Variants in PPP1R9A observed in about 807,000 individuals in gnomAD.
PPP1R9A encodes the protein protein phosphatase 1 regulatory subunit 9A.
A neutral mutation model predicts 141.9 loss-of-function variants in PPP1R9A; 59 were observed. The ratio of observed to expected loss-of-function variants is 0.42; its 90% CI spans 0.34 to 0.52. The LOEUF (loss-of-function observed/expected upper bound fraction) is 0.52, where lower values mean the gene tolerates loss of function less well. Among genes scored for constraint, PPP1R9A ranks in the 20% least tolerant of loss-of-function variants. The pLI is 0.10. For missense variants in PPP1R9A, 1,444 were observed against 1,611.9 expected, an observed-to-expected ratio of 0.90 and a Z score of 1.78; for synonymous variants, 500 against 569.7, an observed-to-expected ratio of 0.88 and a Z score of 1.74.
rs192581156 is a variant in PPP1R9A, at chr7:94,986,702, A to G, written c.1395+75194A>G. On this transcript the variant is annotated intron_variant, in intron 2 of 19. Coordinates refer to ENST00000433360, the MANE Select transcript of PPP1R9A (RefSeq NM_001166160.2). Reference sequence around the variant, plus strand: ...ATCATTATACACTGGATACACAGGCATTGAAATAGCACACTGTATTCCATG... The same window carrying G: ...ATCATTATACACTGGATACACAGGCGTTGAAATAGCACACTGTATTCCATG... 1.5e-3 allele frequency among the ~76,000 whole-genome samples: 229 copies of G among 152,342 alleles called. 2 individuals carry two copies. Among genetic ancestry groups the G allele is most frequent in the African/African-American group, 4.9e-3 (205 of 41,588 alleles).
At chr7:95,151,939 A>ATT in intron 4 of PPP1R9A, among the ~76,000 whole-genome samples, 1 of 116,080 alleles carries the variant, frequency 8.6e-6, no homozygotes, top group South Asian at 2.9e-4. Context: ...AGTACTGAGA[A>ATT]TCTTTTTTTT....
intron 2 of PPP1R9A, among the ~76,000 whole-genome samples, chr7:94,986,960 CAGCCTTTGGTGTGG>C (rs1247116856): frequency 2.6e-5 from 4 of 152,312 alleles, no homozygotes; most frequent in Non-Finnish European, 5.9e-5. Context: ...GTTTGGGCAG[CAGCCTTTGGTGTGG>C]AGCTGTTCTC....
chr7:95,072,645 ATATAT>A lies in PPP1R9A; in HGVS notation c.1396-38609_1396-38605del, dbSNP rs1171943087. Among the ~76,000 whole-genome samples, 6 of 124,738 alleles carry A rather than the reference ATATAT, an allele frequency of 4.8e-5. No homozygotes were observed. In the South Asian group the frequency reaches 1.3e-3, roughly 28 times the overall value. 81.8% of individuals were successfully genotyped at this position (124,738 alleles called of 152,430 possible). ...AAATTTTGAAATTTTATAATATATA[ATATAT>A]TATAAAATATATATTATATATTATA... On this transcript the variant is annotated intron_variant, in intron 2 of 19. Coordinates refer to ENST00000433360, the MANE Select transcript of PPP1R9A (RefSeq NM_001166160.2).
chr7:95,167,072 A>G (rs991836688), intron 5 of PPP1R9A, among the ~76,000 whole-genome samples: 2 of 152,194 alleles, frequency 1.3e-5, no homozygotes, highest in African/African-American at 4.8e-5. Context: ...CATTTTACAA[A>G]AGAAAGAGAT....
intron 12 of PPP1R9A, among the ~76,000 whole-genome samples, chr7:95,256,589 G>T (rs1799615029): frequency 6.6e-6 from 1 of 152,032 alleles, no homozygotes; most frequent in South Asian, 2.1e-4. Flanking sequence ...ATCACTAAGT[G>T]TATTACTACT....
intron 2 of PPP1R9A, among the ~76,000 whole-genome samples, chr7:95,053,419 C>G (rs923321231): frequency 2.6e-5 from 4 of 152,068 alleles, no homozygotes; most frequent in African/African-American, 9.7e-5. Context: ...GCAACTGGCT[C>G]TGGGGAAATT....
chr7:95,247,803 G>A (rs543889086), intron 9 of PPP1R9A, among the ~76,000 whole-genome samples: 13 of 152,014 alleles, frequency 8.6e-5, no homozygotes, highest in Non-Finnish European at 1.8e-4. Context: ...ATTTTTAATG[G>A]TTCAAGTATG....
intron 12 of PPP1R9A, among the ~76,000 whole-genome samples, chr7:95,264,409 G>A (rs1222140112): frequency 6.6e-6 from 1 of 152,160 alleles, no homozygotes; most frequent in African/African-American, 2.4e-5. Flanking sequence ...TCTGTGGGCA[G>A]CATTCCACTT....
chr7:95,079,162 G>A (rs1462537352), intron 2 of PPP1R9A, among the ~76,000 whole-genome samples: 3 of 152,116 alleles, frequency 2.0e-5, no homozygotes, highest in African/African-American at 7.2e-5. Context: ...TTTTGTATAA[G>A]GTGTAAGGAA....
chr7:94,944,457 C>T (rs564179514), intron 2 of PPP1R9A, among the ~76,000 whole-genome samples: 1 of 148,670 alleles, frequency 6.7e-6, no homozygotes, highest in Non-Finnish European at 1.5e-5. Context: ...CCCCCCACCC[C>T]CCGATTAAAA....
At chr7:95,167,819 A>G (rs75166569) in intron 5 of PPP1R9A, among the ~76,000 whole-genome samples, 2 of 152,056 alleles carry the variant, frequency 1.3e-5, no homozygotes, top group Non-Finnish European at 2.9e-5. Flanking sequence ...TAAAAAAAAA[A>G]TACCTAGGAA....
At chr7:94,909,763 A>G (rs1369689319) in intron 1 of PPP1R9A, 135 bp from the exon 2 acceptor site, 1 of 162,662 alleles carries the variant, frequency 6.1e-6, no homozygotes, top group Non-Finnish European at 1.3e-5. Flanking sequence ...TTGACTTTTA[A>G]CTTCCCATTT....
At chr7:94,952,199 C>T (rs1239800330) in intron 2 of PPP1R9A, among the ~76,000 whole-genome samples, 6 of 151,970 alleles carry the variant, frequency 3.9e-5, no homozygotes, top group East Asian at 1.9e-4. Flanking sequence ...TGAGAACATG[C>T]GGTATTTGGT....
At chr7:95,082,659 G>C (rs1816037654) in intron 2 of PPP1R9A, among the ~76,000 whole-genome samples, 1 of 151,702 alleles carries the variant, frequency 6.6e-6, no homozygotes, top group South Asian at 2.1e-4. Context: ...AGGATGGCTT[G>C]AGCCCTGGAT....
chr7:95,077,765 G>A (rs1815084972), intron 2 of PPP1R9A, among the ~76,000 whole-genome samples: 2 of 152,164 alleles, frequency 1.3e-5, no homozygotes, highest in Non-Finnish European at 2.9e-5. Flanking sequence ...AAGAAAGGTT[G>A]TGTGTGAGGC....
chr7:94,936,680 GTGTT>G (rs1413524526), intron 2 of PPP1R9A, among the ~76,000 whole-genome samples: 1 of 139,404 alleles, frequency 7.2e-6, no homozygotes, highest in Admixed American at 7.2e-5. Flanking sequence ...GTGTGTGTGT[GTGTT>G]TGTGTATATA....
At chr7:95,180,621 C>G (rs1380415420) in intron 5 of PPP1R9A, among the ~76,000 whole-genome samples, 2 of 152,142 alleles carry the variant, frequency 1.3e-5, no homozygotes, top group Non-Finnish European at 2.9e-5. Flanking sequence ...TCTTTGCCAT[C>G]TACACATCTG....
chr7:95,277,967 G>A (rs765223581), intron 16 of PPP1R9A, among the ~76,000 whole-genome samples: 5 of 152,188 alleles, frequency 3.3e-5, no homozygotes, highest in Non-Finnish European at 7.3e-5. Flanking sequence ...ATGGGGAGAT[G>A]TGTGTATCTC....
At chr7:95,229,291 C>A (rs536221197) in intron 8 of PPP1R9A, among the ~76,000 whole-genome samples, 20 of 151,940 alleles carry the variant, frequency 1.3e-4, no homozygotes, top group Non-Finnish European at 2.6e-4. Context: ...ACTGGATCAC[C>A]GCTGCAGGCT....
Sources: allele counts gnomAD v4.1 joint callset (sites outside exome capture counted in the v4.1 genomes callset), GRCh38; gene constraint gnomAD v4.1.1; transcripts MANE v1.5; gene names NCBI Gene and HGNC (gene_info 2026-07-23, HGNC 2026-07-21).